ZNF384: variants seen among roughly 807,000 people sequenced by gnomAD.
ZNF384 encodes the protein zinc finger protein 384.
Under a neutral mutation model 65.0 loss-of-function variants are expected in ZNF384, and 20 were observed. That is an observed-to-expected ratio of 0.31 (90% confidence interval 0.22 to 0.45). ZNF384 has a LOEUF of 0.45. Among genes scored for constraint, ZNF384 ranks in the 20% least tolerant of loss-of-function variants. The pLI, the probability that ZNF384 is intolerant of heterozygous loss-of-function variation, is 1.00. For synonymous variants in ZNF384, 310 were observed against 303.9 expected (o/e 1.02, Z -0.21); for missense variants, 549 against 769.4 (o/e 0.71, Z 3.39).
In ZNF384 at chr12:6,669,044, C is replaced by T. The variant is rs1950539822; in HGVS notation, c.1412G>A (p.Arg471Gln). The T allele has an allele frequency of 1.2e-6, 2 of 1,609,040 alleles. No individual in the cohort carries two copies. The highest frequency in any genetic ancestry group is 1.7e-6 in the Non-Finnish European group (2 of 1,176,658). Residue 471 changes from arginine (R) to glutamine (Q), a missense_variant, in exon 11 of 12, where the codon CGG becomes CAG. Arg to Gln is a conservative substitution (Grantham distance 43). This residue lies in a region of ZNF384 where 136 missense variants were observed against 183.0 expected (regional missense o/e 0.74). Transcript: ENST00000683879. ...AKVYTCTICS[R>Q]AYTSETYLMK... ...CGGAGCACTCACTGATGTGTATGCC[C>T]GACTGCAGATAGTGCAGGTGTACAC...
intron 2 of ZNF384, among the ~76,000 whole-genome samples, chr12:6,683,210 G>A (rs562218569): frequency 6.6e-6 from 1 of 151,922 alleles, no homozygotes; most frequent in African/African-American, 2.4e-5. Flanking sequence ...AGAATTGCTT[G>A]AACCCAGGAG....
Position 6,678,987 on chromosome 12 carries a change from A to T in ZNF384, c.263T>A (p.Ile88Asn), listed in dbSNP as rs1266599612. Residue 88 changes from isoleucine (I) to asparagine (N), a missense_variant, in exon 4 of 12, where the codon ATC (isoleucine) becomes AAC (asparagine). This residue lies in a region of ZNF384 where 277 missense variants were observed against 337.2 expected (regional missense o/e 0.82). Coordinates refer to ENST00000683879, the MANE Select transcript of ZNF384 (RefSeq NM_001385745.1). This position sits in a 1 kb window ranked among gnomAD's most constrained non-coding sequence, Gnocchi z 4.9. Reference protein sequence around the residue: ...PHSQASVTQNITVVPVPSTGL... With the variant: ...PHSQASVTQNNTVVPVPSTGL... ...TGTAGACGGCACAGGGACCACCGTG[A>T]TATTCTGGGTAACGGACGCTTGGCT... 1.2e-6 allele frequency: 2 copies of T among 1,613,920 alleles called. No individual in the cohort carries two copies. Among genetic ancestry groups the T allele is most frequent in the African/African-American group, 2.7e-5 (2 of 74,882 alleles).
In ZNF384 at chr12:6,667,794, T is replaced by C; in HGVS notation, c.1747A>G (p.Lys583Glu). Residue 583 changes from lysine to glutamate, a missense_variant, in exon 12 of 12, where the codon AAG becomes GAG. Coordinates refer to ENST00000683879, the MANE Select transcript of ZNF384 (RefSeq NM_001385745.1). Reference protein sequence around the residue: ...PQCSFDLTPYKTAEHHKDICL... With the variant: ...PQCSFDLTPYETAEHHKDICL... ...ATGTCCTTATGATGCTCCGCCGTCT[T>C]ATACGGGGTCAGGTCAAAGGAACAC... 6.2e-7 allele frequency: 1 copy of C among 1,614,202 alleles called. No homozygotes were observed.
At chr12:6,684,278 CAT>C (rs1342537564) in intron 2 of ZNF384, among the ~76,000 whole-genome samples, 1 of 152,164 alleles carries the variant, frequency 6.6e-6, no homozygotes, top group Non-Finnish European at 1.5e-5. Context: ...GAACCAAAAC[CAT>C]ATAACTGTAG....
In ZNF384 at chr12:6,667,800, G is replaced by A. The variant is rs937678632; in HGVS notation, c.1741C>T (p.Pro581Ser). ...PPPQCSFDLT[P>S]YKTAEHHKDI... The stretch of plus-strand genomic sequence containing the variant: ...TTATGATGCTCCGCCGTCTTATACG[G>A]GGTCAGGTCAAAGGAACACTGGGGT... The change falls in exon 12 of 12, where the codon CCG (proline) becomes TCG (serine). Residue 581 changes from proline (P) to serine (S), a missense_variant. By Grantham distance (74) the Pro-to-Ser change is moderately conservative. Coordinates refer to ENST00000683879, the MANE Select transcript of ZNF384 (RefSeq NM_001385745.1). 1 of 1,614,198 alleles carries A rather than the reference G, an allele frequency of 6.2e-7. No homozygotes were observed. The highest frequency in any genetic ancestry group is 8.5e-7 in the Non-Finnish European group (1 of 1,180,042).
rs1955003499 is a variant in ZNF384 at position 6,679,368 on chromosome 12, A to G, written c.66+87T>C. 7.2e-6 allele frequency: 10 copies of G among 1,381,898 alleles called. No homozygotes were observed. In the South Asian group the frequency reaches 1.2e-4, roughly 16 times the overall value. 85.6% of individuals were successfully genotyped at this position (1,381,898 alleles called of 1,614,324 possible). A position where few individuals can be genotyped will look rare whatever the true frequency, so the allele number is the denominator to read the frequency against. The stretch of plus-strand genomic sequence containing the variant: ...AATTCTCAGGGGTGGGGGACCCAGT[A>G]AAACAGCATGTGGTGTACCTTCAGT... On this transcript the variant is annotated intron_variant, in intron 3 of 11. Transcript: ENST00000683879.
chr12:6,678,749 G>A lies in ZNF384; in HGVS notation c.305-39C>T. 1 of 1,607,408 alleles carries A rather than the reference G, an allele frequency of 6.2e-7. No individual in the cohort carries two copies. Among genetic ancestry groups the A allele is most frequent in the South Asian group, 1.1e-5 (1 of 90,930 alleles). ...AGGAAAGAATGTCACCTCCTCAAAG[G>A]CAGGGACCGCATCTTCTACTTCTTT... On this transcript the variant is annotated intron_variant, in intron 4 of 11. Transcript: ENST00000683879. The surrounding 1 kb of genome is among the most constrained non-coding windows in gnomAD (Gnocchi z 4.9).
intron 2 of ZNF384, among the ~76,000 whole-genome samples, chr12:6,685,034 A>T (rs1044162401): frequency 9.2e-5 from 14 of 152,230 alleles, no homozygotes; most frequent in African/African-American, 3.4e-4. Context: ...CTACACAGAG[A>T]GTGCCAATTT....
At chr12:6,684,773 C>T (rs985514293) in intron 2 of ZNF384, among the ~76,000 whole-genome samples, 1 of 152,114 alleles carries the variant, frequency 6.6e-6, no homozygotes, top group African/African-American at 2.4e-5. Flanking sequence ...CTTTGTACTC[C>T]TGAAATGAGA....
rs767314503 is a variant in ZNF384, at chr12:6,667,900, C to CTGT, written c.1638_1640dup (p.Gln547dup). On this transcript the variant is annotated inframe_insertion, in exon 12 of 12. Coordinates refer to ENST00000683879, the MANE Select transcript of ZNF384 (RefSeq NM_001385745.1). ...CAGGAGACTGGAAGTGTGGTGGTGG[C>CTGT]TGTTGCTGCTGCTGCTGCTGCTGCT... is the stretch of plus-strand genomic sequence containing the variant. The CTGT allele has an allele frequency of 3.1e-6, 5 of 1,593,228 alleles. No individual in the cohort carries two copies. The highest frequency in any genetic ancestry group is 1.1e-5 in the South Asian group (1 of 90,194).
rs1950024790 is a variant in ZNF384, at chr12:6,667,459, A to C, written c.*255T>G. On this transcript the variant is annotated 3_prime_UTR_variant, in exon 12 of 12. Transcript: ENST00000683879. ...CTTGAGCACCGACCCCCAGTTTTAG[A>C]AGCTTTGCTTGGGAGGGGAGGCTGC... 3 of 595,594 alleles carry C rather than the reference A, an allele frequency of 5.0e-6. No homozygotes were observed. The highest frequency in any genetic ancestry group is 1.9e-5 in the South Asian group (1 of 52,850). The allele number at this position is 595,594 out of a possible 1,614,324, so 36.9% of individuals were successfully genotyped here. A position where few individuals can be genotyped will look rare whatever the true frequency, so the allele number is the denominator to read the frequency against.
chr12:6,678,032 G>T lies in ZNF384; in HGVS notation c.686+95C>A. The T allele has an allele frequency of 1.7e-6, 2 of 1,203,246 alleles. No homozygotes were observed. Among genetic ancestry groups the T allele is most frequent in the Non-Finnish European group, 1.2e-6 (1 of 846,384 alleles). 74.5% of individuals were successfully genotyped at this position (1,203,246 alleles called of 1,614,324 possible). A position where few individuals can be genotyped will look rare whatever the true frequency, so the allele number is the denominator to read the frequency against. ...CTCAGAGCTGGGAAGCTGTCAGAGT[G>T]TAGCGCCTGACCGGGGCAGAACACA... On this transcript the variant is annotated intron_variant, in intron 6 of 11. Coordinates refer to ENST00000683879, the MANE Select transcript of ZNF384 (RefSeq NM_001385745.1). This position sits in a 1 kb window ranked among gnomAD's most constrained non-coding sequence, Gnocchi z 4.9.
At chr12:6,677,326 C>T in intron 6 of ZNF384, 67 bp from the exon 7 acceptor site, 3 of 1,251,954 alleles carry the variant, frequency 2.4e-6, no homozygotes, top group Non-Finnish European at 3.1e-6. Flanking sequence ...AGACTCCCAG[C>T]CATGCACATC....
Position 6,673,853 on chromosome 12 carries a change from C to A in ZNF384, c.780-413G>T, listed in dbSNP as rs766980483. Among the ~76,000 whole-genome samples, 4 of 152,228 alleles carry A rather than the reference C, an allele frequency of 2.6e-5. No homozygotes were observed. Among genetic ancestry groups the A allele is most frequent in the Middle Eastern group, 3.4e-3 (1 of 294 alleles). ...CATGCCTCTGTATTCCTCAAGACCC[C>A]GAGATGATAATGAGGAACAACTAAC... On this transcript the variant is annotated intron_variant, in intron 7 of 11. Coordinates refer to ENST00000683879, the MANE Select transcript of ZNF384 (RefSeq NM_001385745.1). This position sits in a 1 kb window ranked among gnomAD's most constrained non-coding sequence, Gnocchi z 4.7.
intron 2 of ZNF384, among the ~76,000 whole-genome samples, chr12:6,686,495 C>T (rs1299529605): frequency 2.0e-5 from 3 of 152,186 alleles, no homozygotes; most frequent in Non-Finnish European, 4.4e-5. Flanking sequence ...CTCAGGTGAT[C>T]CGCTCTCCTC....
intron 10 of ZNF384, among the ~76,000 whole-genome samples, chr12:6,670,259 T>C (rs1951016492): frequency 6.6e-6 from 1 of 151,654 alleles, no homozygotes; most frequent in African/African-American, 2.4e-5. Flanking sequence ...CAAGACCCCA[T>C]CTCTACGAAA....
intron 2 of ZNF384, among the ~76,000 whole-genome samples, chr12:6,685,250 G>A (rs1251931143): frequency 2.0e-5 from 3 of 151,788 alleles, no homozygotes; most frequent in Non-Finnish European, 4.4e-5. Context: ...TTGAGCCCAG[G>A]AAGTCGAGGC....
At chr12:6,668,238 CCAAGACTGAG>C in intron 11 of ZNF384, 123 bp from the exon 12 acceptor site, 1 of 1,044,474 alleles carries the variant, frequency 9.6e-7, no homozygotes, top group Non-Finnish European at 1.4e-6. Context: ...TTTTCTGGAG[CCAAGACTGAG>C]CAAAACTCAA....
chr12:6,684,636 G>A (rs946837835), intron 2 of ZNF384, among the ~76,000 whole-genome samples: 8 of 152,236 alleles, frequency 5.3e-5, no homozygotes, highest in Admixed American at 3.3e-4. Context: ...ACCAGCTTCC[G>A]ATAAATAGGT....
Sources: gnomAD v4.1 joint callset for allele counts (sites outside exome capture counted in the v4.1 genomes callset) on GRCh38, gnomAD v4.1.1 for gene constraint, gnomAD v4.1.1 regional missense constraint, Gnocchi (gnomAD v3.1) non-coding constraint, MANE v1.5 for transcripts, NCBI Gene and HGNC (gene_info 2026-07-23, HGNC 2026-07-21) for gene names.